Variants in ZEB1 observed in about 807,000 individuals in gnomAD.
The protein encoded by ZEB1 is zinc finger E-box binding homeobox 1, also known as zinc finger E-box-binding homeobox 1.
Under a neutral mutation model 84.9 loss-of-function variants are expected in ZEB1, and 21 were observed. That is an observed-to-expected ratio of 0.25 (90% CI 0.18 to 0.36). The LOEUF (loss-of-function observed/expected upper bound fraction) is 0.36, where lower values mean the gene tolerates loss of function less well. Among genes scored for constraint, ZEB1 ranks in the 10% least tolerant of loss-of-function variants. ZEB1 has a pLI of 1.00. For missense variants in ZEB1, 1,104 were observed against 1,330.2 expected (o/e 0.83, Z 2.65); for synonymous variants, 420 against 471.1 (o/e 0.89, Z 1.41).
chr10:31,402,921 C>A (rs2052335182), intron 1 of ZEB1, among the ~76,000 whole-genome samples: 1 of 152,064 alleles, frequency 6.6e-6, no homozygotes, highest in South Asian at 2.1e-4. Flanking sequence ...AAGCATTCTG[C>A]AATTTTTCTT....
chr10:31,321,425 A>G, intron 1 of ZEB1: 4 of 1,611,454 alleles, frequency 2.5e-6, no homozygotes, highest in Non-Finnish European at 3.4e-6. Flanking sequence ...TTGTTATAGC[A>G]AGGAGTGGAG....
intron 1 of ZEB1, among the ~76,000 whole-genome samples, chr10:31,417,779 T>G (rs1591051474): frequency 6.6e-6 from 1 of 152,062 alleles, no homozygotes; most frequent in Non-Finnish European, 1.5e-5. Flanking sequence ...TAATAGGGTT[T>G]CATAAAGTGC....
intron 2 of ZEB1, among the ~76,000 whole-genome samples, chr10:31,484,647 C>A (rs1422393422): frequency 6.6e-6 from 1 of 151,830 alleles, no homozygotes; most frequent in East Asian, 1.9e-4. Flanking sequence ...TGATTAGGGT[C>A]AAAATGTTTA....
In ZEB1 at chr10:31,527,412, A is replaced by AACACACAC. The variant is rs3086583; in HGVS notation, c.*182_*189dup. On this transcript the variant is annotated 3_prime_UTR_variant, in exon 9 of 9. Coordinates refer to ENST00000424869, the MANE Select transcript of ZEB1 (RefSeq NM_001174096.2). Reference sequence around the variant, plus strand: ...AAAACTAAAAAAATACAAAATACAAAACACACACACACACACACACACACA... The same window carrying AACACACAC: ...AAAACTAAAAAAATACAAAATACAAAACACACACACACACACACACACACACACACACA... 1.7e-3 allele frequency: 902 copies of AACACACAC among 515,636 alleles called. 3 individuals are homozygous for AACACACAC. Among genetic ancestry groups the AACACACAC allele is most frequent in the East Asian group, 5.5e-3 (139 of 25,312 alleles). The allele number at this position is 515,636 out of a possible 1,614,324, so 31.9% of individuals were successfully genotyped here.
intron 1 of ZEB1, among the ~76,000 whole-genome samples, chr10:31,388,924 GT>G (rs1243453588): frequency 1.3e-5 from 2 of 151,958 alleles, no homozygotes; most frequent in Non-Finnish European, 2.9e-5. Context: ...CAAACTAAAG[GT>G]TTATTCTAAC....
rs752212757 is a variant in ZEB1, at chr10:31,521,817, G to C, written c.2485G>C (p.Ala829Pro). 4 of 1,613,704 alleles carry C rather than the reference G, an allele frequency of 2.5e-6. No homozygotes were observed. The highest frequency in any genetic ancestry group is 2.5e-6 in the Non-Finnish European group (3 of 1,179,788). ...ADQNSVPCLR[A>P]LAANKQTILI... ...CCAGAACAGTGTTCCATGCTTAAGA[G>C]CGCTAGCTGCCAATAAGCAAACGAT... The change falls in exon 7 of 9, where the codon GCG (alanine) becomes CCG (proline). Residue 829 changes from alanine (A) to proline (P), a missense_variant. Coordinates refer to ENST00000424869, the MANE Select transcript of ZEB1 (RefSeq NM_001174096.2).
chr10:31,443,377 T>A (rs1373636718), intron 1 of ZEB1, among the ~76,000 whole-genome samples: 2 of 152,050 alleles, frequency 1.3e-5, no homozygotes, highest in Non-Finnish European at 2.9e-5. Context: ...GCCTTCTTAT[T>A]CCAGGTTTGT....
intron 8 of ZEB1, among the ~76,000 whole-genome samples, 155 bp downstream of exon 8, chr10:31,524,268 T>G (rs1414044269): frequency 6.6e-6 from 1 of 151,870 alleles, no homozygotes; most frequent in Non-Finnish European, 1.5e-5. Flanking sequence ...TGGAGTGCAG[T>G]GGCACGCAAT....
At chr10:31,324,936 G>T (rs1394497991) in intron 1 of ZEB1, among the ~76,000 whole-genome samples, 1 of 152,036 alleles carries the variant, frequency 6.6e-6, no homozygotes, top group Non-Finnish European at 1.5e-5. Flanking sequence ...GATCTATTAT[G>T]TAGGCATTGC....
At chr10:31,441,973 G>T (rs899135541) in intron 1 of ZEB1, among the ~76,000 whole-genome samples, 7 of 152,212 alleles carry the variant, frequency 4.6e-5, no homozygotes, top group Admixed American at 3.3e-4. Flanking sequence ...CTGTAAACTA[G>T]TTCAACCATT....
At chr10:31,459,742 A>G (rs746524460) in intron 1 of ZEB1, among the ~76,000 whole-genome samples, 5 of 151,498 alleles carry the variant, frequency 3.3e-5, no homozygotes, top group South Asian at 2.1e-4. Flanking sequence ...AAAGTCTATA[A>G]AAGCTGTTTT....
At chr10:31,502,773 A>G (rs1028953519) in intron 4 of ZEB1, among the ~76,000 whole-genome samples, 3 of 152,210 alleles carry the variant, frequency 2.0e-5, no homozygotes, top group Admixed American at 6.5e-5. Context: ...AATTCCATTT[A>G]CTTACATGGT....
chr10:31,331,077 C>CTTTTT (rs1238584690), intron 1 of ZEB1, among the ~76,000 whole-genome samples: 9 of 89,062 alleles, frequency 1.0e-4, no homozygotes, highest in African/African-American at 4.3e-4. Context: ...TTTTTTCTTT[C>CTTTTT]TTTCTTTTTT....
At position 31,452,778 on chromosome 10, in the gene ZEB1, G is replaced by A. The variant is rs559672935; in HGVS notation, c.59-8259G>A. On this transcript the variant is annotated intron_variant, in intron 1 of 8. Transcript: ENST00000424869. Reference sequence around the variant, plus strand: ...GAGAGAGAGAGAGAGAGAGAGAGATGTTATTGTAGTCCCAATTGATGTTAA... The same window carrying A: ...GAGAGAGAGAGAGAGAGAGAGAGATATTATTGTAGTCCCAATTGATGTTAA... Among the ~76,000 whole-genome samples, 18 of 119,592 alleles carry A rather than the reference G, an allele frequency of 1.5e-4. No individual in the cohort carries two copies. The South Asian group carries it at 4.7e-3, about 31-fold the overall frequency. 78.5% of individuals were successfully genotyped at this position (119,592 alleles called of 152,430 possible).
At chr10:31,327,341 C>T (rs1488931532) in intron 1 of ZEB1, among the ~76,000 whole-genome samples, 1 of 151,992 alleles carries the variant, frequency 6.6e-6, no homozygotes, top group Non-Finnish European at 1.5e-5. Flanking sequence ...AAACTCCTGA[C>T]CTCAGCTGAT....
intron 1 of ZEB1, among the ~76,000 whole-genome samples, chr10:31,456,408 A>G (rs1455879415): frequency 3.3e-5 from 5 of 152,144 alleles, no homozygotes; most frequent in African/African-American, 1.2e-4. Context: ...AATAATAAAA[A>G]GATTTGACTA....
At chr10:31,480,608 C>T (rs1349300714) in intron 2 of ZEB1, among the ~76,000 whole-genome samples, 2 of 152,004 alleles carry the variant, frequency 1.3e-5, no homozygotes, top group African/African-American at 4.8e-5. Context: ...CTTCCATTTG[C>T]ACTAAATATA....
intron 1 of ZEB1, chr10:31,387,289 A>G (rs951528068): frequency 2.0e-6 from 2 of 985,754 alleles, no homozygotes; most frequent in African/African-American, 1.7e-5. Flanking sequence ...TAGTGAGTGC[A>G]CACTCGTGGG....
At chr10:31,366,640 A>G (rs1020207421) in intron 1 of ZEB1, among the ~76,000 whole-genome samples, 9 of 152,172 alleles carry the variant, frequency 5.9e-5, no homozygotes, top group Admixed American at 5.9e-4. Context: ...ACTGTCCTGA[A>G]ATACCTGTAG....
Sources: gnomAD v4.1 joint callset for allele counts (sites outside exome capture counted in the v4.1 genomes callset) on GRCh38, gnomAD v4.1.1 for gene constraint, MANE v1.5 for transcripts, NCBI Gene and HGNC (gene_info 2026-07-23, HGNC 2026-07-21) for gene names.